The following DRAXIN variants were observed in gnomAD, a reference collection of about 807,000 sequenced individuals.
The protein encoded by DRAXIN is dorsal inhibitory axon guidance protein.
Under a neutral mutation model 33.9 loss-of-function variants are expected in DRAXIN, and 27 were observed. The ratio of observed to expected loss-of-function variants is 0.80; its 90% CI spans 0.59 to 1.10. The LOEUF (loss-of-function observed/expected upper bound fraction) is 1.10. Among genes scored for constraint, DRAXIN ranks in the 50% least tolerant of loss-of-function variants. DRAXIN has a pLI of 0.00. For synonymous variants in DRAXIN, 178 were observed against 194.0 expected (o/e 0.92, Z 0.69); for missense variants, 371 against 460.8 (o/e 0.81, Z 1.78).
chr1:11,698,177 G>A, intron 1 of DRAXIN, among the ~76,000 whole-genome samples: 1 of 152,200 alleles, frequency 6.6e-6, no homozygotes, highest in East Asian at 1.9e-4. Context: ...GGAGATGTTG[G>A]GAGGGATCAG....
Position 11,705,421 on chromosome 1 carries a change from T to C in DRAXIN, c.-10-828T>C, listed in dbSNP as rs1172309856. On this transcript the variant is annotated intron_variant, in intron 1 of 6. Transcript: ENST00000294485. This position sits in a 1 kb window ranked among gnomAD's most constrained non-coding sequence, Gnocchi z 4.8. Reference sequence around the variant, plus strand: ...GGGGATATCCTGAGGCTAGGTCGGGTTGGCTCAGTCTACCCTGCAGGGGTC... The same window carrying C: ...GGGGATATCCTGAGGCTAGGTCGGGCTGGCTCAGTCTACCCTGCAGGGGTC... 2.6e-5 allele frequency among the ~76,000 whole-genome samples: 4 copies of C among 151,324 alleles called. No individual in the cohort carries two copies. The highest frequency in any genetic ancestry group is 5.9e-5 in the Non-Finnish European group (4 of 67,808).
Position 11,696,996 on chromosome 1 carries a change from A to G in DRAXIN, c.-11+5143A>G, listed in dbSNP as rs1422752190. ...AGTTGCAGTGAGCCGAGATCGTGCC[A>G]TTGCACTCCAGCCTGGGCAACAGAA... On this transcript the variant is annotated intron_variant, in intron 1 of 6. Transcript: ENST00000294485. This position sits in a 1 kb window ranked among gnomAD's most constrained non-coding sequence, Gnocchi z 4.7. Among the ~76,000 whole-genome samples, 1 of 151,236 alleles carries G rather than the reference A, an allele frequency of 6.6e-6. No individual in the cohort carries two copies. The highest frequency in any genetic ancestry group is 1.5e-5 in the Non-Finnish European group (1 of 67,870).
In DRAXIN at chr1:11,694,650, G is replaced by T. The variant is rs560635568; in HGVS notation, c.-11+2797G>T. 5.3e-5 allele frequency among the ~76,000 whole-genome samples: 8 copies of T among 151,986 alleles called. No individual in the cohort carries two copies. The highest frequency in any genetic ancestry group is 1.0e-4 in the Non-Finnish European group (7 of 67,928). On this transcript the variant is annotated intron_variant, in intron 1 of 6. Coordinates refer to ENST00000294485, the MANE Select transcript of DRAXIN (RefSeq NM_198545.4). This position sits in a 1 kb window ranked among gnomAD's most constrained non-coding sequence, Gnocchi z 4.9. The stretch of plus-strand genomic sequence containing the variant: ...CCTCAGAGGCATGAGCATGTTCCTG[G>T]GGGGCAGGTCATAGGAGCACCCCTG...
In DRAXIN at chr1:11,705,140, A is replaced by G. The variant is rs1641358618; in HGVS notation, c.-10-1109A>G. 6.6e-6 allele frequency among the ~76,000 whole-genome samples: 1 copy of G among 152,152 alleles called. No homozygotes were observed. The highest frequency in any genetic ancestry group is 2.1e-4 in the South Asian group (1 of 4,822). On this transcript the variant is annotated intron_variant, in intron 1 of 6. Transcript: ENST00000294485. This position sits in a 1 kb window ranked among gnomAD's most constrained non-coding sequence, Gnocchi z 4.8. ...GGACAATTATATGGCCACAAATCAC[A>G]AAGAAACGGTGGCGTAAGCACCCTT...
intron 5 of DRAXIN, among the ~76,000 whole-genome samples, chr1:11,712,875 C>G (rs1641517553): frequency 6.7e-6 from 1 of 150,068 alleles, no homozygotes; most frequent in Admixed American, 6.7e-5. Context: ...TGCACTCCAG[C>G]CTGGGCGACA....
chr1:11,715,003 G>T, intron 5 of DRAXIN, 116 bp from the exon 6 acceptor site: 1 of 1,264,006 alleles, frequency 7.9e-7, no homozygotes, highest in Non-Finnish European at 1.1e-6. Flanking sequence ...GGCCCACCCC[G>T]CCAGGGCGCG....
intron 1 of DRAXIN, among the ~76,000 whole-genome samples, chr1:11,701,049 G>A (rs1257357832): frequency 6.6e-6 from 1 of 152,194 alleles, no homozygotes; most frequent in African/African-American, 2.4e-5. Flanking sequence ...TGCATACGGC[G>A]ATGCTGACAG....
rs541523382 is a variant in DRAXIN, at chr1:11,696,079, A to G, written c.-11+4226A>G. Reference sequence around the variant, plus strand: ...GGTCCCCTCCAGGCTGGCCTAGGACAGTCCTGCCCTGCCATCGATCACCCC... The same window carrying G: ...GGTCCCCTCCAGGCTGGCCTAGGACGGTCCTGCCCTGCCATCGATCACCCC... On this transcript the variant is annotated intron_variant, in intron 1 of 6. Coordinates refer to ENST00000294485, the MANE Select transcript of DRAXIN (RefSeq NM_198545.4). The surrounding 1 kb of genome is among the most constrained non-coding windows in gnomAD (Gnocchi z 4.7). Among the ~76,000 whole-genome samples the G allele has an allele frequency of 1.3e-5, 2 of 152,254 alleles. No individual in the cohort carries two copies. Among genetic ancestry groups the G allele is most frequent in the African/African-American group, 4.8e-5 (2 of 41,554 alleles).
chr1:11,704,098 T>C lies in DRAXIN; in HGVS notation c.-10-2151T>C, dbSNP rs906910775. Among the ~76,000 whole-genome samples, 1 of 152,178 alleles carries C rather than the reference T, an allele frequency of 6.6e-6. No individual in the cohort carries two copies. Among genetic ancestry groups the C allele is most frequent in the Admixed American group, 6.5e-5 (1 of 15,276 alleles). ...CTGCCCACCTCTCTACTGAGCCTCCTCTGCTCTCTTGCCCGCACTGTCTGG... is the reference window on the plus strand; with the variant it reads ...CTGCCCACCTCTCTACTGAGCCTCCCCTGCTCTCTTGCCCGCACTGTCTGG... On this transcript the variant is annotated intron_variant, in intron 1 of 6. Coordinates refer to ENST00000294485, the MANE Select transcript of DRAXIN (RefSeq NM_198545.4). The surrounding 1 kb of genome is among the most constrained non-coding windows in gnomAD (Gnocchi z 4.6).
At chr1:11,695,217 G>C (rs1557685780) in intron 1 of DRAXIN, among the ~76,000 whole-genome samples, 2 of 152,154 alleles carry the variant, frequency 1.3e-5, no homozygotes, top group African/African-American at 4.8e-5. Context: ...GGCTATCTTA[G>C]GCAAGTCCCT....
At chr1:11,691,562 G>A (rs1389624750), upstream of DRAXIN, 1 of 151,682 alleles carries the variant, frequency 6.6e-6, no homozygotes, top group Admixed American at 6.6e-5. Flanking sequence ...CAGCTGGCGA[G>A]GGCGCGCTGG....
intron 1 of DRAXIN, 95 bp downstream of exon 1, chr1:11,691,948 G>T (rs1046127220): frequency 2.0e-5 from 3 of 151,944 alleles, no homozygotes; most frequent in Non-Finnish European, 4.4e-5. Context: ...GCGCCCAGGG[G>T]CGGGGTGCGC....
Position 11,704,517 on chromosome 1 carries a change from G to A in DRAXIN, c.-10-1732G>A, listed in dbSNP as rs184941872. 3.9e-5 allele frequency among the ~76,000 whole-genome samples: 6 copies of A among 152,364 alleles called. No individual in the cohort carries two copies. Among genetic ancestry groups the A allele is most frequent in the African/African-American group, 1.2e-4 (5 of 41,586 alleles). Reference sequence around the variant, plus strand: ...CAGGGACACAGGTCCCGCTTGCTGAGCTCTGGCCTCAAGAGCACTTGTTAG... The same window carrying A: ...CAGGGACACAGGTCCCGCTTGCTGAACTCTGGCCTCAAGAGCACTTGTTAG... On this transcript the variant is annotated intron_variant, in intron 1 of 6. Transcript: ENST00000294485. This position sits in a 1 kb window ranked among gnomAD's most constrained non-coding sequence, Gnocchi z 4.6.
At chr1:11,707,330 A>G (rs1570314043) in intron 2 of DRAXIN, among the ~76,000 whole-genome samples, 1 of 152,226 alleles carries the variant, frequency 6.6e-6, no homozygotes, top group East Asian at 1.9e-4. Context: ...AGCGCCCTCC[A>G]AGCACATTTC....
At chr1:11,717,050 C>T (rs963510132) in intron 6 of DRAXIN, among the ~76,000 whole-genome samples, 2 of 151,972 alleles carry the variant, frequency 1.3e-5, no homozygotes, top group East Asian at 3.9e-4. Context: ...TTTGGGAGGC[C>T]GAGGCAGGAG....
At chr1:11,711,034 G>A (rs963715501) in intron 3 of DRAXIN, among the ~76,000 whole-genome samples, 3 of 152,056 alleles carry the variant, frequency 2.0e-5, no homozygotes, top group Admixed American at 2.0e-4. Flanking sequence ...GCTCACGCCT[G>A]TAATCCCAGC....
chr1:11,699,778 T>A (rs9430210), intron 1 of DRAXIN, among the ~76,000 whole-genome samples: 60,333 of 151,284 alleles, frequency 0.4, 12,373 homozygotes, highest in Middle Eastern at 0.49. Context: ...AATACAAGAA[T>A]TAGCTGGGTG....
upstream of DRAXIN, among the ~76,000 whole-genome samples, chr1:11,689,061 C>T (rs569933106): frequency 6.6e-5 from 10 of 152,096 alleles, no homozygotes; most frequent in Non-Finnish European, 1.3e-4. Context: ...TTTGGGAGGC[C>T]AAGGCAGGCA....
chr1:11,715,335 C>A, intron 6 of DRAXIN, 127 bp downstream of exon 6: 1 of 1,148,114 alleles, frequency 8.7e-7, no homozygotes, highest in Non-Finnish European at 1.3e-6. Context: ...CATGGGCCTG[C>A]GGCGGGGGTG....
Sources: gnomAD v4.1 joint callset for allele counts (sites outside exome capture counted in the v4.1 genomes callset) on GRCh38, gnomAD v4.1.1 for gene constraint, Gnocchi (gnomAD v3.1) non-coding constraint, MANE v1.5 for transcripts, NCBI Gene and HGNC (gene_info 2026-07-23, HGNC 2026-07-21) for gene names.